AK9: variants seen among roughly 807,000 people sequenced by gnomAD.
AK9 encodes adenylate kinase domain containing 1.
In AK9, 191 loss-of-function variants were observed where a neutral mutation model predicts 239.6. The observed-to-expected ratio is 0.80, with a 90% CI of 0.71 to 0.90. The LOEUF (loss-of-function observed/expected upper bound fraction) is 0.90, where lower values mean the gene tolerates loss of function less well. AK9 is among the 40% of genes least tolerant of loss of function. The pLI, the probability that AK9 is intolerant of heterozygous loss-of-function variation, is 0.00. For missense variants in AK9, 1,995 were observed against 2,214.7 expected (o/e 0.90, Z 1.99); for synonymous variants, 689 against 721.0 (o/e 0.96, Z 0.71).
chr6:109,551,864 C>T lies in AK9; in HGVS notation c.2752-1562G>A, dbSNP rs117391747. Among the ~76,000 whole-genome samples, 104 of 151,794 alleles carry T rather than the reference C, an allele frequency of 6.9e-4. No individual in the cohort carries two copies. The East Asian group carries it at 0.014, about 21-fold the overall frequency. On this transcript the variant is annotated intron_variant, in intron 24 of 40. Coordinates refer to ENST00000424296, the MANE Select transcript of AK9 (RefSeq NM_001145128.3). The stretch of plus-strand genomic sequence containing the variant: ...GGTTTGCTCCAACTATTGACCCATC[C>T]TCTACGTTCCTTCCTCTTAACCCCA...
chr6:109,525,514 C>T (rs1780376934), intron 29 of AK9, among the ~76,000 whole-genome samples: 1 of 152,084 alleles, frequency 6.6e-6, no homozygotes, highest in Non-Finnish European at 1.5e-5. Flanking sequence ...CATAAACAGA[C>T]ACTTAAAAGA....
chr6:109,516,540 C>T lies in AK9; in HGVS notation c.3736G>A (p.Glu1246Lys). The T allele has an allele frequency of 6.4e-7, 1 of 1,551,696 alleles. No individual in the cohort carries two copies. Among genetic ancestry groups the T allele is most frequent in the Non-Finnish European group, 8.7e-7 (1 of 1,147,020 alleles). ...LEDEFPKDEEEMSGEEDEEQE... is the reference protein window; with the variant it reads ...LEDEFPKDEEKMSGEEDEEQE... Reference sequence around the variant, plus strand: ...TCTTCATCTTCCTCGCCACTCATCTCTTCCTCATCTTTTGGAAACTCATCT... The same window carrying T: ...TCTTCATCTTCCTCGCCACTCATCTTTTCCTCATCTTTTGGAAACTCATCT... The change falls in exon 30 of 41, where the codon GAG becomes AAG. Residue 1246 changes from glutamate (E) to lysine (K), a missense_variant. Glu to Lys is a moderately conservative substitution (Grantham distance 56). Around this residue, in one of 5 missense-constraint regions of AK9, gnomAD observed 1,290 missense variants for 1,392.7 expected, o/e 0.93. Transcript: ENST00000424296.
chr6:109,684,171 G>C (rs1773099203), intron 1 of AK9, among the ~76,000 whole-genome samples: 2 of 152,162 alleles, frequency 1.3e-5, no homozygotes, highest in South Asian at 4.1e-4. Flanking sequence ...TTAAAAAATG[G>C]TGTTGGGAAA....
intron 9 of AK9, among the ~76,000 whole-genome samples, chr6:109,642,096 C>T (rs1482304149): frequency 1.3e-5 from 2 of 152,120 alleles, no homozygotes; most frequent in African/African-American, 4.8e-5. Context: ...TCAAGAAATG[C>T]CGGGAGCTAC....
chr6:109,659,696 T>C (rs1800173136), intron 6 of AK9, among the ~76,000 whole-genome samples: 1 of 151,960 alleles, frequency 6.6e-6, no homozygotes, highest in East Asian at 1.9e-4. Flanking sequence ...GTAGAAACAG[T>C]AGAGAAATGG....
chr6:109,613,677 G>A (rs1440026338), intron 15 of AK9, among the ~76,000 whole-genome samples: 6 of 151,180 alleles, frequency 4.0e-5, no homozygotes, highest in African/African-American at 1.2e-4. Context: ...TGTAAAAACA[G>A]TCTATATTAT....
rs114738991 is a variant in AK9 at position 109,614,250 on chromosome 6, G to C, written c.1542C>G (p.Asp514Glu). The C allele has an allele frequency of 2.7e-3, 4,194 of 1,551,310 alleles. 105 individuals are homozygous for C. In the African/African-American group the frequency reaches 0.051, roughly 19 times the overall value. The change falls in exon 15 of 41, where the codon GAC becomes GAG. Residue 514 changes from aspartate to glutamate, a missense_variant. Asp to Glu is a conservative substitution (Grantham distance 45). Around this residue, in one of 5 missense-constraint regions of AK9, gnomAD observed 1,290 missense variants for 1,392.7 expected, o/e 0.93. Coordinates refer to ENST00000424296, the MANE Select transcript of AK9 (RefSeq NM_001145128.3). The stretch of plus-strand genomic sequence containing the variant: ...CTGACTTTGTTTTGGCTTCTTCGGT[G>C]TCCACTAAAGAGCTGCCTCTGTCCC... ...SQRDRGSSLV[D>E]TEEAKTKSEN...
intron 8 of AK9, among the ~76,000 whole-genome samples, chr6:109,645,370 C>A (rs1221249866): frequency 6.6e-6 from 1 of 152,226 alleles, no homozygotes; most frequent in Non-Finnish European, 1.5e-5. Flanking sequence ...CTGCGCTTTT[C>A]CAACAGTCTT....
At chr6:109,513,318 T>C (rs977317315) in intron 32 of AK9, among the ~76,000 whole-genome samples, 2 of 152,192 alleles carry the variant, frequency 1.3e-5, no homozygotes, top group African/African-American at 4.8e-5. Flanking sequence ...GTATCCTATA[T>C]GCCTTTTTGA....
chr6:109,594,552 A>G (rs1317682932), intron 17 of AK9, among the ~76,000 whole-genome samples: 1 of 152,250 alleles, frequency 6.6e-6, no homozygotes, highest in Non-Finnish European at 1.5e-5. Flanking sequence ...CATATAGCCA[A>G]GACAATCCTA....
intron 1 of AK9, among the ~76,000 whole-genome samples, chr6:109,684,670 T>C (rs6933465): frequency 0.39 from 53,815 of 137,580 alleles, 11,244 homozygotes; most frequent in African/African-American, 0.61. Context: ...GTCAGGAGAT[T>C]GAGACCATCC....
intron 28 of AK9, among the ~76,000 whole-genome samples, chr6:109,530,475 T>C (rs1781082960): frequency 6.6e-6 from 1 of 152,222 alleles, no homozygotes; most frequent in African/African-American, 2.4e-5. Context: ...ATTTTTACCA[T>C]AGGTTCTTTA....
chr6:109,562,267 C>T (rs760287922), intron 24 of AK9, among the ~76,000 whole-genome samples: 1 of 151,940 alleles, frequency 6.6e-6, no homozygotes, highest in Admixed American at 6.6e-5. Flanking sequence ...ATTGCTATTT[C>T]TCTTGCAGTG....
Position 109,494,016 on chromosome 6 carries a change from C to A in AK9, c.5498G>T (p.Arg1833Ile). 1 of 1,613,526 alleles carries A rather than the reference C, an allele frequency of 6.2e-7. No individual in the cohort carries two copies. The highest frequency in any genetic ancestry group is 8.5e-7 in the Non-Finnish European group (1 of 1,179,522). ...AAGTGCTATATATAGCAGTGCAGAT[C>A]TCCTTATACTTAAAAAGGGGAACTT... ...KPKFPFLSIRRSALLYIALHL... is the reference protein window; with the variant it reads ...KPKFPFLSIRISALLYIALHL... The change falls in exon 40 of 41, where the codon AGA becomes ATA. Residue 1833 changes from arginine to isoleucine, a missense_variant. Physicochemically the swap from Arg to Ile is moderately conservative, Grantham distance 97. Transcript: ENST00000424296.
intron 21 of AK9, among the ~76,000 whole-genome samples, chr6:109,572,662 C>T (rs980106901): frequency 3.9e-5 from 6 of 152,174 alleles, no homozygotes; most frequent in Admixed American, 1.3e-4. Context: ...ATTAATTTCC[C>T]TTAGTCTTGC....
intron 25 of AK9, 185 bp downstream of exon 25, chr6:109,549,905 C>T: frequency 2.0e-6 from 1 of 507,330 alleles, no homozygotes. Context: ...ACCTCGTGAT[C>T]CGCCCGTCTC....
chr6:109,550,400 A>G, intron 24 of AK9, 98 bp from the exon 25 acceptor site: 1 of 1,107,704 alleles, frequency 9.0e-7, no homozygotes, highest in South Asian at 1.6e-5. Context: ...TTTAATCTGT[A>G]GCAACTTGAA....
intron 17 of AK9, among the ~76,000 whole-genome samples, chr6:109,598,898 T>G (rs1034781809): frequency 2.6e-5 from 4 of 152,090 alleles, no homozygotes; most frequent in African/African-American, 9.7e-5. Context: ...GTTCATATCC[T>G]TTGCCCACTT....
chr6:109,497,326 T>TCACA (rs141968479), intron 38 of AK9, 139 bp downstream of exon 38: 26,373 of 414,312 alleles, frequency 0.064, 406 homozygotes, highest in South Asian at 0.11. Context: ...CAGTGCTTGT[T>TCACA]CACACACACA....
Sources: gnomAD v4.1 joint callset for allele counts (sites outside exome capture counted in the v4.1 genomes callset) on GRCh38, gnomAD v4.1.1 for gene constraint, gnomAD v4.1.1 regional missense constraint, MANE v1.5 for transcripts, NCBI Gene and HGNC (gene_info 2026-07-23, HGNC 2026-07-21) for gene names.